MTG1: variants seen among roughly 807,000 people sequenced by gnomAD.
MTG1 encodes mitochondrial ribosome-associated GTPase 1.
Under a neutral mutation model 39.5 loss-of-function variants are expected in MTG1, and 30 were observed. The ratio of observed to expected loss-of-function variants is 0.76; its 90% CI spans 0.57 to 1.03. The LOEUF is 1.03. Ranked by LOEUF, MTG1 falls within the 50% of genes least tolerant of loss-of-function variation. MTG1 has a pLI of 0.00. For synonymous variants in MTG1, 217 were observed against 179.0 expected, an observed-to-expected ratio of 1.21 and a Z score of -1.69; for missense variants, 513 against 447.4, an observed-to-expected ratio of 1.15 and a Z score of -1.32.
intron 9 of MTG1, among the ~76,000 whole-genome samples, chr10:133,410,374 T>C (rs75096450): frequency 0.012 from 1,768 of 152,272 alleles, 40 homozygotes; most frequent in African/African-American, 0.041. Context: ...TGTCTTTTAG[T>C]TGGAGAATAT....
At chr10:133,394,555 C>T in intron 1 of MTG1, 2 of 1,335,448 alleles carry the variant, frequency 1.5e-6, no homozygotes, top group Non-Finnish European at 1.9e-6. Flanking sequence ...CGAGTGCCCC[C>T]GCGGCGCAGC....
chr10:133,401,685 C>T lies in MTG1; in HGVS notation c.573+95C>T, dbSNP rs758059055. On this transcript the variant is annotated intron_variant, in intron 7 of 10. Coordinates refer to ENST00000317502, the MANE Select transcript of MTG1 (RefSeq NM_138384.4). ...CTGTGTGGCTTCCGGCTGCTGACCA[C>T]GCTTCCCTCCCCTCCACTCAGTGTC... is the stretch of plus-strand genomic sequence containing the variant. 3.6e-5 allele frequency: 43 copies of T among 1,191,258 alleles called. No individual in the cohort carries two copies. In the East Asian group the frequency reaches 3.9e-4, roughly 11 times the overall value. The allele number at this position is 1,191,258 out of a possible 1,614,324, so 73.8% of individuals were successfully genotyped here. A position where few individuals can be genotyped will look rare whatever the true frequency, so the allele number is the denominator to read the frequency against.
Position 133,402,204 on chromosome 10 carries a change from G to C in MTG1, c.629G>C (p.Arg210Pro). 1 of 1,614,020 alleles carries C rather than the reference G, an allele frequency of 6.2e-7. No homozygotes were observed. Among genetic ancestry groups the C allele is most frequent in the Non-Finnish European group, 8.5e-7 (1 of 1,179,958 alleles). The part of the protein sequence containing the change: ...LLDTPGVLAP[R>P]IESVETGLKL... ...GACACTCCTGGCGTGCTGGCTCCTC[G>C]GATTGAAAGTGTGGAGACAGGCCTG... The change falls in exon 8 of 11, where the codon CGG becomes CCG. Residue 210 changes from arginine to proline, a missense_variant. Coordinates refer to ENST00000317502, the MANE Select transcript of MTG1 (RefSeq NM_138384.4). The surrounding 1 kb of genome is among the most constrained non-coding windows in gnomAD (Gnocchi z 4.7).
At chr10:133,394,741 C>G (rs1021848936) in intron 1 of MTG1, 1 of 1,011,398 alleles carries the variant, frequency 9.9e-7, no homozygotes, top group Non-Finnish European at 1.2e-6. Context: ...TATGAAGGCA[C>G]CTGTTCAGTT....
intron 9 of MTG1, among the ~76,000 whole-genome samples, chr10:133,403,639 T>C (rs1179184480): frequency 1.3e-5 from 2 of 152,238 alleles, no homozygotes; most frequent in Non-Finnish European, 2.9e-5. Context: ...GCGGTTTCAG[T>C]GTCCAGGTGC....
chr10:133,400,679 T>C (rs1277374649), intron 6 of MTG1, among the ~76,000 whole-genome samples: 3 of 152,248 alleles, frequency 2.0e-5, no homozygotes, highest in Non-Finnish European at 2.9e-5. Flanking sequence ...AGTGCATTTA[T>C]AGGGTTATGC....
At chr10:133,396,985 C>T (rs1457732357) in intron 3 of MTG1, among the ~76,000 whole-genome samples, 2 of 152,106 alleles carry the variant, frequency 1.3e-5, no homozygotes, top group Non-Finnish European at 2.9e-5. Context: ...CTCCCTTTCC[C>T]CAGGGGAGTT....
At chr10:133,397,199 T>C (rs1849795777) in intron 3 of MTG1, among the ~76,000 whole-genome samples, 1 of 152,214 alleles carries the variant, frequency 6.6e-6, no homozygotes, top group Admixed American at 6.5e-5. Flanking sequence ...CGAAAGTCTC[T>C]GATAAGCAGA....
chr10:133,413,918 CTT>C (rs1285224313), intron 9 of MTG1, among the ~76,000 whole-genome samples: 11 of 136,066 alleles, frequency 8.1e-5, no homozygotes, highest in Admixed American at 7.3e-5. Context: ...GTTTTCTTTT[CTT>C]TTTTTTTTTT....
chr10:133,417,740 A>AGAG, intron 9 of MTG1, among the ~76,000 whole-genome samples: 1 of 152,352 alleles, frequency 6.6e-6, no homozygotes, highest in Admixed American at 6.5e-5. Context: ...AATAACAGAC[A>AGAG]AACAGCCAAA....
intron 1 of MTG1, chr10:133,394,831 A>T: frequency 1.3e-6 from 1 of 796,218 alleles, no homozygotes; most frequent in Non-Finnish European, 1.5e-6. Flanking sequence ...CCCCAAGAAG[A>T]CCTCTGGGGC....
Position 133,396,200 on chromosome 10 carries a change from C to T in MTG1, c.215C>T (p.Thr72Ile). The change falls in exon 3 of 11, where the codon ACC (threonine) becomes ATC (isoleucine). Residue 72 changes from threonine to isoleucine, a missense_variant. Thr to Ile is a moderately conservative substitution (Grantham distance 89). Coordinates refer to ENST00000317502, the MANE Select transcript of MTG1 (RefSeq NM_138384.4). ...LSGRNPLFQE[T>I]LGLKPHLLVL... is the part of the protein sequence containing the mutation. ...GGCCGCAACCCTCTGTTTCAGGAAACCCTTGGGCTTAAGCCTCACTTGCTG... is the reference window on the plus strand; with the variant it reads ...GGCCGCAACCCTCTGTTTCAGGAAATCCTTGGGCTTAAGCCTCACTTGCTG... The T allele has an allele frequency of 6.2e-7, 1 of 1,614,202 alleles. No homozygotes were observed. The highest frequency in any genetic ancestry group is 1.6e-4 in the Middle Eastern group (1 of 6,062).
At position 133,404,378 on chromosome 10, in the gene MTG1, C is replaced by T. The variant is rs114549980; in HGVS notation, c.752+1605C>T. ...CTGGGCTCAAGGGATCTGCCCGCCT[C>T]AGCCTCCCAAAGCATTAGGATTATA... On this transcript the variant is annotated intron_variant, in intron 9 of 10. Coordinates refer to ENST00000317502, the MANE Select transcript of MTG1 (RefSeq NM_138384.4). Among the ~76,000 whole-genome samples, 638 of 152,208 alleles carry T rather than the reference C, an allele frequency of 4.2e-3. 2 individuals carry two copies. The highest frequency in any genetic ancestry group is 0.015 in the African/African-American group (607 of 41,488).
Position 133,407,849 on chromosome 10 carries a change from C to T in MTG1, c.752+5076C>T, listed in dbSNP as rs977160617. Among the ~76,000 whole-genome samples, 7 of 152,316 alleles carry T rather than the reference C, an allele frequency of 4.6e-5. No individual in the cohort carries two copies. The South Asian group carries it at 6.2e-4, about 14-fold the overall frequency. ...CCTCCCAAAGTGCTGGGATTACAGG[C>T]GTGAGCCACCGTGCCTGGCCTGATT... On this transcript the variant is annotated intron_variant, in intron 9 of 10. Coordinates refer to ENST00000317502, the MANE Select transcript of MTG1 (RefSeq NM_138384.4).
intron 3 of MTG1, among the ~76,000 whole-genome samples, chr10:133,396,934 A>C (rs542254982): frequency 1.8e-4 from 28 of 152,260 alleles, no homozygotes; most frequent in Non-Finnish European, 3.2e-4. Flanking sequence ...CGTCAGTGTC[A>C]AGGAAAAGCA....
chr10:133,402,979 C>T lies in MTG1; in HGVS notation c.752+206C>T, dbSNP rs898681464. 3.8e-6 allele frequency: 2 copies of T among 524,482 alleles called. No homozygotes were observed. The highest frequency in any genetic ancestry group is 3.2e-5 in the Admixed American group (1 of 31,052). 32.5% of individuals were successfully genotyped at this position (524,482 alleles called of 1,614,324 possible). A position where few individuals can be genotyped will look rare whatever the true frequency, so the allele number is the denominator to read the frequency against. ...CACACAATCAAGAAAACGAGCGTTC[C>T]CGTCACCCCCAGTCCCTGCTCCTCT... On this transcript the variant is annotated intron_variant, in intron 9 of 10. Coordinates refer to ENST00000317502, the MANE Select transcript of MTG1 (RefSeq NM_138384.4). This position sits in a 1 kb window ranked among gnomAD's most constrained non-coding sequence, Gnocchi z 4.7.
At chr10:133,405,239 A>G (rs1004475101) in intron 9 of MTG1, among the ~76,000 whole-genome samples, 5 of 152,124 alleles carry the variant, frequency 3.3e-5, no homozygotes, top group Admixed American at 6.6e-5. Context: ...ATTTATATTG[A>G]ACTCTTTTTT....
At chr10:133,396,667 G>A (rs1338362705) in intron 3 of MTG1, among the ~76,000 whole-genome samples, 1 of 152,182 alleles carries the variant, frequency 6.6e-6, no homozygotes, top group Admixed American at 6.5e-5. Context: ...AGATATGATT[G>A]TATATGAATA....
Position 133,412,419 on chromosome 10 carries a change from A to G in MTG1, c.753-7061A>G, listed in dbSNP as rs544884493. Among the ~76,000 whole-genome samples the G allele has an allele frequency of 2.2e-4, 33 of 152,260 alleles. No individual in the cohort carries two copies. In the East Asian group the frequency reaches 3.1e-3, roughly 14 times the overall value. On this transcript the variant is annotated intron_variant, in intron 9 of 10. Transcript: ENST00000317502. Reference sequence around the variant, plus strand: ...GTAACCCTGCTAAACTCATTTATTCATTCTATTAGCTCTTTGTAGATTCCA... The same window carrying G: ...GTAACCCTGCTAAACTCATTTATTCGTTCTATTAGCTCTTTGTAGATTCCA...
Sources: allele counts gnomAD v4.1 joint callset (sites outside exome capture counted in the v4.1 genomes callset), GRCh38; gene constraint gnomAD v4.1.1; non-coding constraint Gnocchi (gnomAD v3.1); transcripts MANE v1.5; gene names NCBI Gene and HGNC (gene_info 2026-07-23, HGNC 2026-07-21).